VTI1A: variants seen among roughly 807,000 people sequenced by gnomAD.
VTI1A encodes vesicle transport through interaction with t-SNAREs 1A, also known as vesicle transport through interaction with t-SNAREs homolog 1A.
VTI1A carries 22 observed loss-of-function variants against 34.9 expected under a neutral mutation model. The observed-to-expected ratio is 0.63, with a 90% CI of 0.45 to 0.90. The LOEUF (loss-of-function observed/expected upper bound fraction) is 0.90, where lower values mean the gene tolerates loss of function less well. VTI1A is among the 40% of genes least tolerant of loss of function. VTI1A has a pLI of 0.00. For synonymous variants in VTI1A, 87 were observed against 97.3 expected (o/e 0.89, Z 0.62); for missense variants, 268 against 275.6 (o/e 0.97, Z 0.20).
chr10:112,834,699 A>G, the VTI1A span, among the ~76,000 whole-genome samples: 1 of 152,208 alleles, frequency 6.6e-6, no homozygotes, highest in African/African-American at 2.4e-5. Flanking sequence ...AAATCAGGAA[A>G]GCTTCTCCCT....
At chr10:112,480,010 T>C (rs762625912) in intron 3 of VTI1A, among the ~76,000 whole-genome samples, 33 of 152,234 alleles carry the variant, frequency 2.2e-4, no homozygotes, top group Non-Finnish European at 3.7e-4. Flanking sequence ...GTCATTCATA[T>C]TGATAAAGTA....
chr10:112,689,563 G>A (rs993061943), intron 7 of VTI1A, among the ~76,000 whole-genome samples: 4 of 152,082 alleles, frequency 2.6e-5, no homozygotes, highest in Non-Finnish European at 5.9e-5. Flanking sequence ...TGGAAGAGGG[G>A]GATAAACGAA....
At chr10:112,532,885 C>T (rs932517944) in intron 4 of VTI1A, among the ~76,000 whole-genome samples, 2 of 152,054 alleles carry the variant, frequency 1.3e-5, no homozygotes, top group Non-Finnish European at 2.9e-5. Flanking sequence ...CTTACATACA[C>T]AGAAGTTCAT....
chr10:112,644,879 G>C (rs956735675), intron 5 of VTI1A, among the ~76,000 whole-genome samples: 30 of 152,172 alleles, frequency 2.0e-4, no homozygotes, highest in African/African-American at 7.2e-4. Flanking sequence ...TTATGGTAAG[G>C]AATAGTTTAG....
chr10:112,649,937 C>T (rs1846946563), intron 5 of VTI1A, among the ~76,000 whole-genome samples: 3 of 152,188 alleles, frequency 2.0e-5, no homozygotes, highest in South Asian at 2.1e-4. Context: ...CCAGAAGTTG[C>T]TCTGGGTGAG....
chr10:112,820,775 A>G (rs1853637577), downstream of VTI1A, among the ~76,000 whole-genome samples: 2 of 152,216 alleles, frequency 1.3e-5, no homozygotes, highest in African/African-American at 4.8e-5. Flanking sequence ...CGCAGTAACA[A>G]GGAGCCAGCT....
intron 5 of VTI1A, chr10:112,548,978 C>T: frequency 1.6e-6 from 1 of 637,186 alleles, no homozygotes; most frequent in East Asian, 2.7e-5. Flanking sequence ...TCTTCTTCTC[C>T]TTCCCTGCCC....
At chr10:112,583,432 G>A (rs537854920) in intron 5 of VTI1A, among the ~76,000 whole-genome samples, 13 of 152,298 alleles carry the variant, frequency 8.5e-5, no homozygotes, top group East Asian at 1.9e-4. Flanking sequence ...TGTCCTAAGC[G>A]CCTTTGTTTG....
chr10:112,745,928 C>G (rs1383401382), intron 7 of VTI1A, among the ~76,000 whole-genome samples: 1 of 152,152 alleles, frequency 6.6e-6, no homozygotes, highest in Admixed American at 6.5e-5. Context: ...GATTTAAACT[C>G]AAGTCTTTAG....
At chr10:112,524,803 C>T (rs996852040) in intron 3 of VTI1A, among the ~76,000 whole-genome samples, 3 of 152,056 alleles carry the variant, frequency 2.0e-5, no homozygotes, top group Non-Finnish European at 4.4e-5. Flanking sequence ...ATGTTTTAGT[C>T]CCCCATAGTG....
chr10:112,740,159 T>C (rs1303049450), intron 7 of VTI1A, among the ~76,000 whole-genome samples: 1 of 152,230 alleles, frequency 6.6e-6, no homozygotes, highest in African/African-American at 2.4e-5. Flanking sequence ...TCTTGTAGAC[T>C]TGATCTGTGT....
chr10:112,705,974 A>C (rs898875066), intron 7 of VTI1A, among the ~76,000 whole-genome samples: 1 of 152,114 alleles, frequency 6.6e-6, no homozygotes, highest in African/African-American at 2.4e-5. Flanking sequence ...AAGTTTGAAA[A>C]CCACTGCTAA....
intron 3 of VTI1A, among the ~76,000 whole-genome samples, chr10:112,519,816 C>T (rs529890210): frequency 9.9e-5 from 15 of 152,138 alleles, no homozygotes; most frequent in African/African-American, 2.2e-4. Context: ...GGGTCAGTTA[C>T]GGAGAATCCT....
chr10:112,793,386 T>C (rs985742746), intron 7 of VTI1A, among the ~76,000 whole-genome samples: 1 of 152,216 alleles, frequency 6.6e-6, no homozygotes, highest in African/African-American at 2.4e-5. Flanking sequence ...GGCTGTATAC[T>C]GGCCTAATAA....
intron 7 of VTI1A, among the ~76,000 whole-genome samples, chr10:112,757,351 A>ATGTTTTTTTTTT (rs1851320858): frequency 2.5e-5 from 1 of 40,672 alleles, no homozygotes; most frequent in African/African-American, 1.0e-4. Flanking sequence ...TGTTGCTGTG[A>ATGTTTTTTTTTT]TTTTTTTTTT....
intron 5 of VTI1A, among the ~76,000 whole-genome samples, chr10:112,663,999 T>A (rs7082408): frequency 6.6e-6 from 1 of 152,048 alleles, no homozygotes; most frequent in Non-Finnish European, 1.5e-5. Flanking sequence ...ACTGTGAATG[T>A]CTTTTATCTG....
At chr10:112,532,665 TATC>T (rs1358723778) in intron 4 of VTI1A, among the ~76,000 whole-genome samples, 1 of 152,198 alleles carries the variant, frequency 6.6e-6, no homozygotes, top group East Asian at 1.9e-4. Flanking sequence ...ATTAAAATGT[TATC>T]ATAGGATAAT....
At chr10:112,782,499 C>T (rs1350709352) in intron 7 of VTI1A, among the ~76,000 whole-genome samples, 7 of 152,258 alleles carry the variant, frequency 4.6e-5, no homozygotes, top group African/African-American at 1.7e-4. Flanking sequence ...TCCGATCTTT[C>T]CCGTCGCGGC....
intron 5 of VTI1A, among the ~76,000 whole-genome samples, chr10:112,553,725 G>T (rs1026836677): frequency 6.6e-6 from 1 of 152,200 alleles, no homozygotes; most frequent in African/African-American, 2.4e-5. Context: ...TTGAAGCTCC[G>T]CATTAATTCT....
Sources: gnomAD v4.1 joint callset for allele counts (sites outside exome capture counted in the v4.1 genomes callset) on GRCh38, gnomAD v4.1.1 for gene constraint, MANE v1.5 for transcripts, NCBI Gene and HGNC (gene_info 2026-07-23, HGNC 2026-07-21) for gene names.